The following AHCTF1 variants were observed in gnomAD, a reference collection of about 807,000 sequenced individuals.
AHCTF1 encodes the protein protein ELYS.
In AHCTF1, 24 loss-of-function variants were observed where a neutral mutation model predicts 248.4. The observed-to-expected ratio is 0.10, with a 90% CI of 0.07 to 0.14. AHCTF1 has a LOEUF of 0.14. Among genes scored for constraint, AHCTF1 ranks in the 10% least tolerant of loss-of-function variants. The pLI is 1.00. For missense variants in AHCTF1, 2,206 were observed against 2,636.2 expected, an observed-to-expected ratio of 0.84 and a Z score of 3.57; for synonymous variants, 786 against 929.8, an observed-to-expected ratio of 0.85 and a Z score of 2.81.
intron 24 of AHCTF1, among the ~76,000 whole-genome samples, chr1:246,870,007 C>T (rs1662460835): frequency 6.6e-6 from 1 of 152,146 alleles, no homozygotes; most frequent in Admixed American, 6.5e-5. Flanking sequence ...TTCATAATTC[C>T]TGGGAGGAGT....
intron 1 of AHCTF1, among the ~76,000 whole-genome samples, chr1:246,929,877 C>A (rs1214986324): frequency 2.0e-5 from 3 of 152,138 alleles, no homozygotes; most frequent in African/African-American, 7.2e-5. Flanking sequence ...TATGGTGAAA[C>A]CCCGTCTCTA....
chr1:246,851,007 C>T lies in AHCTF1; in HGVS notation c.4999G>A (p.Ala1667Thr), dbSNP rs774656306. 4.3e-6 allele frequency: 7 copies of T among 1,613,954 alleles called. No individual in the cohort carries two copies. Among genetic ancestry groups the T allele is most frequent in the Non-Finnish European group, 5.9e-6 (7 of 1,179,874 alleles). Residue 1667 changes from alanine (A) to threonine (T), a missense_variant, in exon 33 of 36, where the codon GCA becomes ACA. Physicochemically the swap from Ala to Thr is moderately conservative, Grantham distance 58 (BLOSUM62 0). This residue lies in a region of AHCTF1 where 955 missense variants were observed against 1,055.6 expected (regional missense o/e 0.90). Transcript: ENST00000648844. ...ACATCTAGTAAATTTTCTGCAATTG[C>T]TACTTTAATAGGTTCAGGCACATAT... ...LPYVPEPIKV[A>T]IAENLLDVIK...
intron 35 of AHCTF1, 102 bp from the exon 36 acceptor site, chr1:246,841,100 C>T (rs1659834924): frequency 2.1e-6 from 2 of 937,378 alleles, no homozygotes; most frequent in East Asian, 5.7e-5. Context: ...CTGCTTAGTG[C>T]TTTCATTTTA....
At chr1:246,898,746 C>T (rs993968939) in intron 11 of AHCTF1, among the ~76,000 whole-genome samples, 7 of 152,088 alleles carry the variant, frequency 4.6e-5, no homozygotes, top group Non-Finnish European at 1.0e-4. Flanking sequence ...TCATCCACAT[C>T]TGGACGATTA....
At chr1:246,884,577 C>A (rs1050606393) in intron 21 of AHCTF1, among the ~76,000 whole-genome samples, 1 of 152,196 alleles carries the variant, frequency 6.6e-6, no homozygotes, top group African/African-American at 2.4e-5. Flanking sequence ...CAAGCAATTT[C>A]TCCAGCTTAG....
At chr1:246,868,119 G>A (rs1215126692) in intron 24 of AHCTF1, among the ~76,000 whole-genome samples, 1 of 148,742 alleles carries the variant, frequency 6.7e-6, no homozygotes, top group East Asian at 2.0e-4. Flanking sequence ...TGGCCACCAA[G>A]CCCGGCTAAT....
In AHCTF1 at chr1:246,839,639, A is replaced by C; in HGVS notation, c.*1167T>G. The C allele has an allele frequency of 6.1e-6, 5 of 820,374 alleles. No homozygotes were observed. Among genetic ancestry groups the C allele is most frequent in the Non-Finnish European group, 7.4e-6 (5 of 678,932 alleles). 50.8% of individuals were successfully genotyped at this position (820,374 alleles called of 1,614,324 possible). A position where few individuals can be genotyped will look rare whatever the true frequency, so the allele number is the denominator to read the frequency against. On this transcript the variant is annotated 3_prime_UTR_variant, in exon 36 of 36. Coordinates refer to ENST00000648844, the MANE Select transcript of AHCTF1 (RefSeq NM_001323342.2). ...TATTTGGTAGAAAAATAAATGCAGA[A>C]AGCACACTGCATATGCTTCACATTA... is the stretch of plus-strand genomic sequence containing the variant.
Position 246,902,512 on chromosome 1 carries a change from T to C in AHCTF1, c.1117+13A>G. ...CAGCCTTCACATGACATATTTCAAGTACTTTAACTAACCTTCATTCACGCC... is the reference window on the plus strand; with the variant it reads ...CAGCCTTCACATGACATATTTCAAGCACTTTAACTAACCTTCATTCACGCC... On this transcript the variant is annotated intron_variant, in intron 8 of 35. Coordinates refer to ENST00000648844, the MANE Select transcript of AHCTF1 (RefSeq NM_001323342.2). The C allele has an allele frequency of 6.2e-7, 1 of 1,603,392 alleles. No homozygotes were observed. Among genetic ancestry groups the C allele is most frequent in the South Asian group, 1.1e-5 (1 of 89,760 alleles).
intron 1 of AHCTF1, among the ~76,000 whole-genome samples, chr1:246,926,920 A>G (rs1168411641): frequency 2.0e-5 from 3 of 152,126 alleles, no homozygotes; most frequent in Non-Finnish European, 2.9e-5. Context: ...CACGCCTGTA[A>G]TCCCAGCACT....
In AHCTF1 at chr1:246,839,347, C is replaced by A. The variant is rs957545241; in HGVS notation, c.*1459G>T. On this transcript the variant is annotated 3_prime_UTR_variant, in exon 36 of 36. Transcript: ENST00000648844. ...GCATCCATGTTTATTGTGCTACTTGCGCAAAGGAATTGTTTACTGAATTAT... is the reference window on the plus strand; with the variant it reads ...GCATCCATGTTTATTGTGCTACTTGAGCAAAGGAATTGTTTACTGAATTAT... 1.7e-5 allele frequency: 3 copies of A among 176,806 alleles called. No homozygotes were observed. Among genetic ancestry groups the A allele is most frequent in the Non-Finnish European group, 2.2e-5 (2 of 90,668 alleles). 11.0% of individuals were successfully genotyped at this position (176,806 alleles called of 1,614,324 possible). A position where few individuals can be genotyped will look rare whatever the true frequency, so the allele number is the denominator to read the frequency against.
chr1:246,860,080 T>G (rs1661418949), intron 29 of AHCTF1, among the ~76,000 whole-genome samples: 1 of 151,766 alleles, frequency 6.6e-6, no homozygotes, highest in African/African-American at 2.4e-5. Context: ...GCCAATATGG[T>G]GAAACCCCGT....
chr1:246,877,714 GGAAGAGTAGAGCTTGGTAGTA>G (rs1222338284), intron 21 of AHCTF1, among the ~76,000 whole-genome samples: 1 of 152,082 alleles, frequency 6.6e-6, no homozygotes, highest in Admixed American at 6.5e-5. Flanking sequence ...CATGAGGAAG[GGAAGAGTAGAGCTTGGTAGTA>G]GATGTTTTTT....
At chr1:246,907,263 G>A (rs944304795) in intron 5 of AHCTF1, among the ~76,000 whole-genome samples, 2 of 152,044 alleles carry the variant, frequency 1.3e-5, no homozygotes, top group African/African-American at 4.8e-5. Flanking sequence ...TGACCAAAAC[G>A]TTGTAAAGTT....
chr1:246,867,952 TTA>T (rs1243030636), intron 24 of AHCTF1, 141 bp from the exon 25 acceptor site: 4 of 281,158 alleles, frequency 1.4e-5, no homozygotes, highest in African/African-American at 2.6e-5. Context: ...AAAATTTTAA[TTA>T]TATATATATA....
intron 35 of AHCTF1, among the ~76,000 whole-genome samples, chr1:246,841,516 T>C (rs1659863183): frequency 6.6e-6 from 1 of 152,256 alleles, no homozygotes; most frequent in Admixed American, 6.5e-5. Flanking sequence ...TTTATTGAAT[T>C]CAACCATGCC....
Position 246,907,606 on chromosome 1 carries a change from C to T in AHCTF1, c.709G>A (p.Val237Ile). ...GCTAGATAGCCATCAGAAAAACCTA[C>T]AGCAAGCTGATTTGTCCTGCTTATG... is the stretch of plus-strand genomic sequence containing the variant. ...SYISRTNQLAVGFSDGYLALW... is the reference protein window; with the variant it reads ...SYISRTNQLAIGFSDGYLALW... Residue 237 changes from valine to isoleucine, a missense_variant, in exon 5 of 36, where the codon GTA becomes ATA. Coordinates refer to ENST00000648844, the MANE Select transcript of AHCTF1 (RefSeq NM_001323342.2). The T allele has an allele frequency of 1.2e-6, 2 of 1,613,832 alleles. No homozygotes were observed. Among genetic ancestry groups the T allele is most frequent in the East Asian group, 2.2e-5 (1 of 44,854 alleles).
At position 246,857,775 on chromosome 1, in the gene AHCTF1, G is replaced by A. The variant is rs1260614005; in HGVS notation, c.4172C>T (p.Ala1391Val). The change falls in exon 30 of 36, where the codon GCA becomes GTA. Residue 1391 changes from alanine (A) to valine (V), a missense_variant. Coordinates refer to ENST00000648844, the MANE Select transcript of AHCTF1 (RefSeq NM_001323342.2). ...EDAETKDLLV[A>V]AEAFSELNHL... ...ATTCAATTCTGAAAATGCCTCTGCT[G>A]CAACTAAGAGATCCTTTGTTTCTGC... The A allele has an allele frequency of 6.2e-7, 1 of 1,613,262 alleles. No homozygotes were observed. Among genetic ancestry groups the A allele is most frequent in the African/African-American group, 1.3e-5 (1 of 74,818 alleles).
At chr1:246,918,584 C>T (rs1666308996) in intron 1 of AHCTF1, among the ~76,000 whole-genome samples, 1 of 152,194 alleles carries the variant, frequency 6.6e-6, no homozygotes, top group Admixed American at 6.5e-5. Context: ...ATGAACTGAT[C>T]CCAGAAGTTC....
chr1:246,903,357 G>A (rs1012901700), intron 7 of AHCTF1, among the ~76,000 whole-genome samples: 5 of 152,144 alleles, frequency 3.3e-5, no homozygotes, highest in Admixed American at 6.5e-5. Flanking sequence ...CAACAAAGTG[G>A]AATTATTTTT....
Sources: allele counts gnomAD v4.1 joint callset (sites outside exome capture counted in the v4.1 genomes callset), GRCh38; gene constraint gnomAD v4.1.1; regional missense constraint gnomAD v4.1.1; transcripts MANE v1.5; gene names NCBI Gene and HGNC (gene_info 2026-07-23, HGNC 2026-07-21).